Variants in CCT6B observed in about 807,000 individuals in gnomAD.
CCT6B encodes the protein probable T-complex protein 1 subunit zeta-2.
In CCT6B, 49 loss-of-function variants were observed where a neutral mutation model predicts 61.5. The ratio of observed to expected loss-of-function variants is 0.80; its 90% confidence interval spans 0.63 to 1.01. CCT6B has a LOEUF of 1.01. Among genes scored for constraint, CCT6B ranks in the 50% least tolerant of loss-of-function variants. CCT6B has a pLI of 0.00. For missense variants in CCT6B, 666 were observed against 634.7 expected (o/e 1.05, Z -0.53); for synonymous variants, 228 against 214.5 (o/e 1.06, Z -0.55).
In CCT6B at chr17:34,959,742, C is replaced by T. The variant is rs2090390960; in HGVS notation, c.138-92G>A. 14 of 817,882 alleles carry T rather than the reference C, an allele frequency of 1.7e-5. No homozygotes were observed. The Middle Eastern group carries it at 1.6e-3, about 91-fold the overall frequency. The allele number at this position is 817,882 out of a possible 1,614,324, so 50.7% of individuals were successfully genotyped here. On this transcript the variant is annotated intron_variant, in intron 1 of 13. Transcript: ENST00000314144. ...TATCCTTAATAGAGGGAACTGGGCT[C>T]GGAAAACTTCCACTGTACCATGGGA...
chr17:34,933,860 G>A (rs2090064371), intron 10 of CCT6B, among the ~76,000 whole-genome samples: 1 of 152,146 alleles, frequency 6.6e-6, no homozygotes, highest in Non-Finnish European at 1.5e-5. Flanking sequence ...AGGGTCTGGT[G>A]GCTCGCTCCT....
At chr17:34,930,891 C>G in intron 12 of CCT6B, 58 bp downstream of exon 12, 1 of 836,068 alleles carries the variant, frequency 1.2e-6, no homozygotes, top group Non-Finnish European at 2.0e-6. Flanking sequence ...ACCATAAGAT[C>G]TGGGTAACTA....
At chr17:34,941,398 C>A (rs1473292951) in intron 7 of CCT6B, among the ~76,000 whole-genome samples, 1 of 152,146 alleles carries the variant, frequency 6.6e-6, no homozygotes, top group Non-Finnish European at 1.5e-5. Flanking sequence ...CATGTGGAAA[C>A]TTTGCCTATC....
chr17:34,934,124 G>A (rs1597738130), intron 10 of CCT6B, among the ~76,000 whole-genome samples: 1 of 125,872 alleles, frequency 7.9e-6, no homozygotes, highest in Non-Finnish European at 1.6e-5. Context: ...TCGAGACTCT[G>A]TTTCAAAAAG....
At chr17:34,938,384 T>C (rs946410060) in intron 10 of CCT6B, among the ~76,000 whole-genome samples, 5 of 151,800 alleles carry the variant, frequency 3.3e-5, no homozygotes, top group East Asian at 1.9e-4. Flanking sequence ...CTGGGCAACA[T>C]AGACAGAACT....
chr17:34,933,499 G>A (rs866314789), intron 10 of CCT6B, among the ~76,000 whole-genome samples: 2 of 152,068 alleles, frequency 1.3e-5, no homozygotes, highest in Non-Finnish European at 2.9e-5. Flanking sequence ...CGCTCAAAGA[G>A]TTGTTTACCC....
chr17:34,953,986 A>G (rs1345162351), intron 4 of CCT6B, among the ~76,000 whole-genome samples: 1 of 152,064 alleles, frequency 6.6e-6, no homozygotes, highest in African/African-American at 2.4e-5. Context: ...AACTAAACAA[A>G]CATACATTTC....
rs528542935 is a variant in CCT6B, at chr17:34,961,431, A to G, written c.-38T>C. The stretch of plus-strand genomic sequence containing the variant: ...CAGAGGGAGAAAAAAAAAAAGCCTT[A>G]GTCGCGATTCTGAGCAAAAACGGCA... On this transcript the variant is annotated 5_prime_UTR_variant, in exon 1 of 14. Transcript: ENST00000314144. The G allele has an allele frequency of 5.1e-6, 8 of 1,565,530 alleles. No homozygotes were observed. The East Asian group carries it at 1.6e-4, about 31-fold the overall frequency.
At chr17:34,957,216 C>T (rs1381165679) in intron 3 of CCT6B, among the ~76,000 whole-genome samples, 1 of 145,638 alleles carries the variant, frequency 6.9e-6, no homozygotes, top group East Asian at 2.0e-4. Context: ...ACAATCTTGG[C>T]TCACTGCAAT....
intron 1 of CCT6B, 82 bp downstream of exon 1, chr17:34,961,175 C>T: frequency 1.3e-6 from 2 of 1,489,732 alleles, no homozygotes; most frequent in Non-Finnish European, 1.8e-6. Context: ...ATCCACAGCG[C>T]TACGCGGACG....
chr17:34,961,201 G>A, intron 1 of CCT6B, 56 bp downstream of exon 1: 2 of 1,548,282 alleles, frequency 1.3e-6, no homozygotes, highest in Non-Finnish European at 1.7e-6. Context: ...CTCAGAGGGC[G>A]ACAGGACACC....
At chr17:34,957,489 G>A (rs892432556) in intron 3 of CCT6B, among the ~76,000 whole-genome samples, 1 of 152,180 alleles carries the variant, frequency 6.6e-6, no homozygotes, top group African/African-American at 2.4e-5. Context: ...ACAGCACTGT[G>A]AGTGGAAGAG....
intron 10 of CCT6B, among the ~76,000 whole-genome samples, chr17:34,936,202 G>A (rs188085115): frequency 1.8e-4 from 27 of 152,252 alleles, no homozygotes; most frequent in Admixed American, 1.6e-3. Context: ...ATGCACGTCA[G>A]CCTCCCAAAA....
rs114022500 is a variant in CCT6B, at chr17:34,932,436, C to G, written c.1278G>C (p.Lys426Asn). Residue 426 changes from lysine (K) to asparagine (N), a missense_variant, in exon 11 of 14, where the codon AAG (lysine) becomes AAC (asparagine). Lys to Asn is a moderately conservative substitution (Grantham distance 94). Transcript: ENST00000314144. ...GACGAGCTCTTCCTTTTATACTGTT[C>G]TTATATGTAACAAGAGCTTCAGCCA... ...VAMAEALVTY[K>N]NSIKGRARLG... The G allele has an allele frequency of 5.6e-6, 9 of 1,612,364 alleles. No homozygotes were observed.
At position 34,960,937 on chromosome 17, in the gene CCT6B, T is replaced by C. The variant is rs1040340420; in HGVS notation, c.137+320A>G. On this transcript the variant is annotated intron_variant, in intron 1 of 13. Coordinates refer to ENST00000314144, the MANE Select transcript of CCT6B (RefSeq NM_006584.4). ...TTGTTGAATTTATGGACCAAGGGTA[T>C]ACAGTCTTAAGGAGCAGAGGAGTTA... Among the ~76,000 whole-genome samples the C allele has an allele frequency of 1.4e-4, 22 of 152,330 alleles. No individual in the cohort carries two copies. In the South Asian group the frequency reaches 1.4e-3, roughly 10 times the overall value.
Position 34,953,043 on chromosome 17 carries a change from G to GT in CCT6B, c.511-991dup, listed in dbSNP as rs894946692. Among the ~76,000 whole-genome samples the GT allele has an allele frequency of 6.7e-5, 10 of 150,232 alleles. 1 individual carries two copies. The highest frequency in any genetic ancestry group is 6.3e-4 in the South Asian group (3 of 4,742). On this transcript the variant is annotated intron_variant, in intron 4 of 13. Coordinates refer to ENST00000314144, the MANE Select transcript of CCT6B (RefSeq NM_006584.4). ...TGATCTTAATCTGATTTCCCAAGTT[G>GT]TTTTTTTTTAACGGTAAGGAGAATC...
At chr17:34,958,739 G>A (rs750339709) in intron 2 of CCT6B, 45 bp from the exon 3 acceptor site, 4 of 1,488,300 alleles carry the variant, frequency 2.7e-6, no homozygotes, top group African/African-American at 1.4e-5. Context: ...GATGAGATAA[G>A]GAAGTAGGTC....
intron 1 of CCT6B, 51 bp downstream of exon 1, chr17:34,961,206 G>C: frequency 6.4e-7 from 1 of 1,556,486 alleles, no homozygotes. Context: ...AGGGCGACAG[G>C]ACACCAACGG....
intron 5 of CCT6B, among the ~76,000 whole-genome samples, chr17:34,950,519 T>C (rs960662209): frequency 2.0e-5 from 3 of 152,202 alleles, no homozygotes; most frequent in Non-Finnish European, 2.9e-5. Flanking sequence ...TTATGAACAC[T>C]TTATACCAAA....
Sources: gnomAD v4.1 joint callset for allele counts (sites outside exome capture counted in the v4.1 genomes callset) on GRCh38, gnomAD v4.1.1 for gene constraint, MANE v1.5 for transcripts, NCBI Gene and HGNC (gene_info 2026-07-23, HGNC 2026-07-21) for gene names.